Variants in NOL4 observed in about 807,000 individuals in gnomAD.
The protein encoded by NOL4 is nucleolar protein 4.
Under a neutral mutation model 75.9 loss-of-function variants are expected in NOL4, and 17 were observed. The ratio of observed to expected loss-of-function variants is 0.22; its 90% CI spans 0.15 to 0.34. NOL4 has a LOEUF of 0.34. Ranked by LOEUF, NOL4 falls within the 10% of genes least tolerant of loss-of-function variation. The pLI is 1.00. For synonymous variants in NOL4, 292 were observed against 289.9 expected (o/e 1.01, Z -0.07); for missense variants, 614 against 793.5 (o/e 0.77, Z 2.72).
chr18:34,078,379 A>G (rs1460482775), intron 5 of NOL4, among the ~76,000 whole-genome samples: 1 of 152,148 alleles, frequency 6.6e-6, no homozygotes, highest in African/African-American at 2.4e-5. Context: ...AGTAAAGACA[A>G]TTGTCAAAAT....
chr18:34,120,193 A>G (rs915261304), intron 2 of NOL4, among the ~76,000 whole-genome samples: 2 of 152,198 alleles, frequency 1.3e-5, no homozygotes, highest in African/African-American at 4.8e-5. Context: ...ATATACCAAA[A>G]GCAGAAGTGA....
At chr18:33,962,131 C>T (rs2070188565) in intron 6 of NOL4, among the ~76,000 whole-genome samples, 1 of 152,064 alleles carries the variant, frequency 6.6e-6, no homozygotes, top group Non-Finnish European at 1.5e-5. Flanking sequence ...AGCTAAGGAG[C>T]ATAGAGTCGT....
At chr18:34,148,935 T>C (rs1460433259) in intron 1 of NOL4, among the ~76,000 whole-genome samples, 1 of 151,876 alleles carries the variant, frequency 6.6e-6, no homozygotes, top group East Asian at 1.9e-4. Flanking sequence ...TTAGCTCTTC[T>C]TGCAAAAATA....
intron 5 of NOL4, among the ~76,000 whole-genome samples, chr18:34,091,371 A>G (rs1298854273): frequency 1.3e-5 from 2 of 152,014 alleles, no homozygotes; most frequent in Non-Finnish European, 2.9e-5. Flanking sequence ...TTAAAAATAA[A>G]ATAATAAAAC....
intron 5 of NOL4, among the ~76,000 whole-genome samples, chr18:34,077,220 A>G (rs1178199656): frequency 1.3e-5 from 2 of 152,120 alleles, no homozygotes; most frequent in Non-Finnish European, 1.5e-5. Flanking sequence ...AGGTGGAAGG[A>G]TCATCTGAAC....
intron 6 of NOL4, among the ~76,000 whole-genome samples, chr18:33,985,047 C>T (rs897118879): frequency 2.6e-5 from 4 of 151,918 alleles, no homozygotes; most frequent in Admixed American, 2.6e-4. Context: ...AATAACAGTA[C>T]CTACCTCACA....
chr18:34,047,247 A>T (rs2076421135), intron 5 of NOL4, among the ~76,000 whole-genome samples: 1 of 152,148 alleles, frequency 6.6e-6, no homozygotes, highest in African/African-American at 2.4e-5. Context: ...AGAAATTAAA[A>T]CAGCACACTT....
At chr18:33,993,628 A>T (rs1399040945) in intron 6 of NOL4, among the ~76,000 whole-genome samples, 2 of 151,918 alleles carry the variant, frequency 1.3e-5, no homozygotes, top group Non-Finnish European at 2.9e-5. Context: ...AAACTGTATG[A>T]GTGAGCAGAT....
At chr18:33,910,970 A>G (rs66517261) in intron 9 of NOL4, among the ~76,000 whole-genome samples, 31,543 of 152,090 alleles carry the variant, frequency 0.21, 3,468 homozygotes, top group African/African-American at 0.24. Flanking sequence ...GCCACACAGC[A>G]TCATTCTTTA....
At chr18:34,197,714 AGGT>A (rs10525217) in intron 1 of NOL4, among the ~76,000 whole-genome samples, 8,939 of 151,948 alleles carry the variant, frequency 0.059, 383 homozygotes, top group African/African-American at 0.12. Flanking sequence ...GGGTGGTGGA[AGGT>A]GGTTTGAATT....
chr18:34,200,155 C>T (rs953307645), intron 1 of NOL4, among the ~76,000 whole-genome samples: 3 of 151,778 alleles, frequency 2.0e-5, no homozygotes, highest in African/African-American at 7.2e-5. Context: ...AAAACTACTA[C>T]TATGAGGAAA....
intron 6 of NOL4, among the ~76,000 whole-genome samples, chr18:33,992,103 T>C (rs2072963608): frequency 6.6e-6 from 1 of 152,034 alleles, no homozygotes; most frequent in Admixed American, 6.6e-5. Context: ...TTTGGAAATC[T>C]ATTTTCTCTC....
At chr18:34,031,027 T>C (rs2075615161) in intron 5 of NOL4, among the ~76,000 whole-genome samples, 1 of 151,562 alleles carries the variant, frequency 6.6e-6, no homozygotes, top group South Asian at 2.1e-4. Context: ...GGTGGCAGGA[T>C]AGGGAATCAC....
intron 1 of NOL4, among the ~76,000 whole-genome samples, chr18:34,166,646 T>A (rs2032368775): frequency 6.6e-6 from 1 of 152,120 alleles, no homozygotes; most frequent in Admixed American, 6.6e-5. Flanking sequence ...AAATATGGAA[T>A]AATTTACATA....
intron 5 of NOL4, among the ~76,000 whole-genome samples, chr18:34,063,030 C>T (rs1468976350): frequency 6.6e-6 from 1 of 152,026 alleles, no homozygotes; most frequent in Non-Finnish European, 1.5e-5. Flanking sequence ...GCATTGAACC[C>T]TTGCTTCTGA....
chr18:34,222,920 CCT>C, intron 1 of NOL4, 68 bp downstream of exon 1: 1 of 1,564,620 alleles, frequency 6.4e-7, no homozygotes, highest in Non-Finnish European at 8.6e-7. Flanking sequence ...CTCTCTCCCG[CCT>C]CTCTCCTTCC....
intron 1 of NOL4, among the ~76,000 whole-genome samples, chr18:34,133,958 G>C (rs1357010376): frequency 6.6e-6 from 1 of 152,154 alleles, no homozygotes; most frequent in Non-Finnish European, 1.5e-5. Flanking sequence ...GGGAGGTGTA[G>C]GTTGCAATGA....
intron 5 of NOL4, among the ~76,000 whole-genome samples, chr18:34,070,517 T>A (rs957160971): frequency 6.6e-6 from 1 of 151,952 alleles, no homozygotes; most frequent in African/African-American, 2.4e-5. Context: ...GATGTCTGAC[T>A]GCACATAAAC....
At position 34,023,690 on chromosome 18, in the gene NOL4, A is replaced by G. The variant is rs562411878; in HGVS notation, c.773-4089T>C. On this transcript the variant is annotated intron_variant, in intron 5 of 10. Transcript: ENST00000261592. ...AGAATGTGGAATGTGATGACAAGGAAGTGTGGAATCTAGTGACATCAGGAG... is the reference window on the plus strand; with the variant it reads ...AGAATGTGGAATGTGATGACAAGGAGGTGTGGAATCTAGTGACATCAGGAG... 92 of 283,556 alleles carry G rather than the reference A, an allele frequency of 3.2e-4. 1 individual carries two copies. The highest frequency in any genetic ancestry group is 3.0e-3 in the South Asian group (91 of 30,708). The allele number at this position is 283,556 out of a possible 1,614,324, so 17.6% of individuals were successfully genotyped here.
Sources: allele counts gnomAD v4.1 joint callset (sites outside exome capture counted in the v4.1 genomes callset), GRCh38; gene constraint gnomAD v4.1.1; transcripts MANE v1.5; gene names NCBI Gene and HGNC (gene_info 2026-07-23, HGNC 2026-07-21).